MSRA: variants seen among roughly 807,000 people sequenced by gnomAD.
MSRA encodes mitochondrial peptide methionine sulfoxide reductase.
A neutral mutation model predicts 31.3 loss-of-function variants in MSRA; 54 were observed. That is an observed-to-expected ratio of 1.73 (90% CI 1.39 to 2.17). MSRA has a LOEUF of 2.17. Among genes scored for constraint, MSRA ranks in the 30% most tolerant of loss-of-function variants. MSRA has a pLI of 0.00. For synonymous variants in MSRA, 169 were observed against 116.5 expected (o/e 1.45, Z -2.90); for missense variants, 507 against 300.9 (o/e 1.69, Z -5.07).
intron 2 of MSRA, among the ~76,000 whole-genome samples, chr8:10,226,460 C>T (rs1019185141): frequency 2.6e-5 from 4 of 152,176 alleles, no homozygotes; most frequent in Admixed American, 6.5e-5. Flanking sequence ...CCTACATTTT[C>T]TCTTAGGATT....
intron 5 of MSRA, among the ~76,000 whole-genome samples, chr8:10,401,816 A>G (rs769130795): frequency 5.7e-4 from 87 of 152,314 alleles, no homozygotes; most frequent in Non-Finnish European, 9.8e-4. Context: ...AAAAAGACAA[A>G]TACTGTATGA....
At chr8:10,323,108 A>G (rs1209396392) in intron 5 of MSRA, among the ~76,000 whole-genome samples, 1 of 148,162 alleles carries the variant, frequency 6.7e-6, no homozygotes, top group Non-Finnish European at 1.5e-5. Flanking sequence ...AAAAAAAAAA[A>G]TGCAGAAGAG....
At chr8:10,195,595 C>G (rs1025680372) in intron 1 of MSRA, among the ~76,000 whole-genome samples, 3 of 152,154 alleles carry the variant, frequency 2.0e-5, no homozygotes, top group African/African-American at 7.2e-5. Flanking sequence ...TCTTTGTCTT[C>G]TGAACCTCAG....
intron 1 of MSRA, among the ~76,000 whole-genome samples, chr8:10,142,137 T>A (rs1270919335): frequency 6.6e-6 from 1 of 152,182 alleles, no homozygotes; most frequent in African/African-American, 2.4e-5. Flanking sequence ...TTTGTGTTTT[T>A]AGTAGAGACG....
chr8:10,074,021 G>C (rs942951618), intron 1 of MSRA, among the ~76,000 whole-genome samples: 10 of 79,086 alleles, frequency 1.3e-4, no homozygotes, highest in African/African-American at 5.4e-4. Flanking sequence ...TCACTTTTTA[G>C]TTACATAGTT....
At chr8:10,325,604 T>A (rs1335892392) in intron 5 of MSRA, among the ~76,000 whole-genome samples, 1 of 152,250 alleles carries the variant, frequency 6.6e-6, no homozygotes, top group Non-Finnish European at 1.5e-5. Flanking sequence ...ATTCAGTTGA[T>A]ATAACTGATA....
intron 1 of MSRA, among the ~76,000 whole-genome samples, chr8:10,089,557 A>T (rs1223190026): frequency 6.6e-6 from 1 of 152,350 alleles, no homozygotes; most frequent in Non-Finnish European, 1.5e-5. Context: ...CAGCGGGTAG[A>T]CGAGAGGTAG....
chr8:10,428,031 C>A (rs1460496554), intron 5 of MSRA, 117 bp from the exon 6 acceptor site: 2 of 1,092,350 alleles, frequency 1.8e-6, no homozygotes, highest in Non-Finnish European at 2.6e-6. Flanking sequence ...AAAGGGGACC[C>A]ACTGCACATC....
At chr8:10,291,003 T>G (rs1203675788) in intron 3 of MSRA, among the ~76,000 whole-genome samples, 1 of 152,140 alleles carries the variant, frequency 6.6e-6, no homozygotes, top group Non-Finnish European at 1.5e-5. Context: ...GGGTTAGCAT[T>G]GGGTGCGAAG....
At chr8:10,201,806 A>G (rs1159095616) in intron 1 of MSRA, among the ~76,000 whole-genome samples, 3 of 152,236 alleles carry the variant, frequency 2.0e-5, no homozygotes, top group Admixed American at 2.0e-4. Flanking sequence ...CTGCGCTCTC[A>G]AGATGAATGA....
chr8:10,153,350 C>T (rs1426485771), intron 1 of MSRA, among the ~76,000 whole-genome samples: 1 of 152,100 alleles, frequency 6.6e-6, no homozygotes, highest in Non-Finnish European at 1.5e-5. Context: ...ACCTTCCTTT[C>T]CCTCCTGATG....
chr8:10,089,457 A>C (rs1490924870), intron 1 of MSRA, among the ~76,000 whole-genome samples: 1 of 152,138 alleles, frequency 6.6e-6, no homozygotes, highest in Non-Finnish European at 1.5e-5. Context: ...CATATTTGTG[A>C]ATTTGCCATT....
chr8:10,259,981 C>T (rs1025454314), intron 3 of MSRA, among the ~76,000 whole-genome samples: 10 of 152,226 alleles, frequency 6.6e-5, no homozygotes, highest in Non-Finnish European at 1.0e-4. Context: ...TCAACACAGA[C>T]GCTCCAGAGA....
chr8:10,141,433 C>G (rs1290128927), intron 1 of MSRA, among the ~76,000 whole-genome samples: 2 of 152,176 alleles, frequency 1.3e-5, no homozygotes, highest in East Asian at 1.9e-4. Context: ...CTCCAATGCA[C>G]AAGACATACA....
At chr8:10,318,927 G>T (rs531071210) in intron 4 of MSRA, among the ~76,000 whole-genome samples, 3 of 152,120 alleles carry the variant, frequency 2.0e-5, no homozygotes, top group African/African-American at 7.2e-5. Context: ...TGAAGGCACC[G>T]CACTGCTCCG....
At chr8:10,188,847 A>C (rs62491569) in intron 1 of MSRA, among the ~76,000 whole-genome samples, 10,930 of 152,212 alleles carry the variant, frequency 0.072, 562 homozygotes, top group Non-Finnish European at 0.11. Context: ...TGTTTTTGCT[A>C]TTTTAGGTAT....
chr8:10,097,935 C>G (rs1166742772), intron 1 of MSRA, among the ~76,000 whole-genome samples: 2 of 152,100 alleles, frequency 1.3e-5, no homozygotes, highest in African/African-American at 2.4e-5. Flanking sequence ...GAAATTCTCT[C>G]TGGCCTACAC....
chr8:10,261,022 A>G (rs1326830936), intron 3 of MSRA, among the ~76,000 whole-genome samples: 4 of 152,234 alleles, frequency 2.6e-5, no homozygotes, highest in African/African-American at 4.8e-5. Context: ...AGCTTTCAGA[A>G]TGAAGTATAA....
chr8:10,414,081 C>T (rs111664013), intron 5 of MSRA, among the ~76,000 whole-genome samples: 1 of 151,996 alleles, frequency 6.6e-6, no homozygotes, highest in Admixed American at 6.6e-5. Flanking sequence ...ACAAGAGGAT[C>T]GCTTGAGCCT....
Sources: gnomAD v4.1 joint callset for allele counts (sites outside exome capture counted in the v4.1 genomes callset) on GRCh38, gnomAD v4.1.1 for gene constraint, MANE v1.5 for transcripts, NCBI Gene and HGNC (gene_info 2026-07-23, HGNC 2026-07-21) for gene names.